Variants in PKHD1L1 observed in about 807,000 individuals in gnomAD.
PKHD1L1 encodes the protein fibrocystin-L.
A neutral mutation model predicts 462.9 loss-of-function variants in PKHD1L1; 434 were observed. The ratio of observed to expected loss-of-function variants is 0.94; its 90% CI spans 0.87 to 1.02. The LOEUF is 1.02. Among genes scored for constraint, PKHD1L1 ranks in the 50% least tolerant of loss-of-function variants. PKHD1L1 has a pLI of 0.00. For missense variants in PKHD1L1, 5,202 were observed against 5,096.1 expected, an observed-to-expected ratio of 1.02 and a Z score of -0.63; for synonymous variants, 1,781 against 1,750.0, an observed-to-expected ratio of 1.02 and a Z score of -0.44.
chr8:109,458,913 G>A (rs1816963688), intron 46 of PKHD1L1, among the ~76,000 whole-genome samples: 1 of 152,096 alleles, frequency 6.6e-6, no homozygotes, highest in South Asian at 2.1e-4. Flanking sequence ...CTCAATAAAT[G>A]TTTGTTGAAT....
Position 109,412,405 on chromosome 8 carries a change from T to A in PKHD1L1, c.2226T>A (p.Pro742=), listed in dbSNP as rs766585959. ...CATATGGAGATATTTTATTGTTTCCTTATAATCAGGTAAGCTCAACAAAAT... is the reference window on the plus strand; with the variant it reads ...CATATGGAGATATTTTATTGTTTCCATATAATCAGGTAAGCTCAACAAAAT... ...RRPYGDILLF[P]YNQLCLAYKG... The change falls in exon 20 of 78, where the codon CCT becomes CCA. Residue 742 remains proline (P), a synonymous_variant. Transcript: ENST00000378402. The A allele has an allele frequency of 6.2e-6, 10 of 1,610,428 alleles. No homozygotes were observed. The highest frequency in any genetic ancestry group is 8.5e-6 in the Non-Finnish European group (10 of 1,178,134).
chr8:109,406,001 C>T (rs1477723835), intron 16 of PKHD1L1, among the ~76,000 whole-genome samples: 1 of 152,046 alleles, frequency 6.6e-6, no homozygotes, highest in Non-Finnish European at 1.5e-5. Flanking sequence ...TACAATAAAT[C>T]CTAAAATACA....
At chr8:109,428,449 G>A (rs1162940179) in intron 25 of PKHD1L1, among the ~76,000 whole-genome samples, 2 of 152,134 alleles carry the variant, frequency 1.3e-5, no homozygotes, top group Admixed American at 6.5e-5. Flanking sequence ...GGGAAGGAGA[G>A]GAAGTGGAGA....
chr8:109,488,044 A>G (rs895993910), intron 59 of PKHD1L1, among the ~76,000 whole-genome samples: 3 of 151,880 alleles, frequency 2.0e-5, no homozygotes, highest in African/African-American at 7.3e-5. Context: ...TACAATGTTA[A>G]TAGCTACTAA....
At chr8:109,524,575 A>G (rs1820720378) in intron 76 of PKHD1L1, among the ~76,000 whole-genome samples, 1 of 152,226 alleles carries the variant, frequency 6.6e-6, no homozygotes, top group African/African-American at 2.4e-5. Flanking sequence ...TCTTCAAACT[A>G]CAATGTTCCA....
chr8:109,459,757 A>G lies in PKHD1L1; in HGVS notation c.7167A>G (p.Thr2389=), dbSNP rs770810263. ...FEARAEVGIL[T]RNILIRGSDN... ...CAAGAGCAGAAGTTGGAATTCTTACAAGAAATATTTTAATAAGAGGATCTG... is the reference window on the plus strand; with the variant it reads ...CAAGAGCAGAAGTTGGAATTCTTACGAGAAATATTTTAATAAGAGGATCTG... Residue 2389 remains threonine (T), a synonymous_variant, in exon 47 of 78, where the codon ACA becomes ACG. Coordinates refer to ENST00000378402, the MANE Select transcript of PKHD1L1 (RefSeq NM_177531.6). 3.7e-6 allele frequency: 6 copies of G among 1,611,712 alleles called. No homozygotes were observed. The highest frequency in any genetic ancestry group is 1.7e-5 in the Admixed American group (1 of 59,772).
At chr8:109,461,640 T>A in intron 47 of PKHD1L1, 132 bp from the exon 48 acceptor site, 1 of 971,110 alleles carries the variant, frequency 1.0e-6, no homozygotes, top group Non-Finnish European at 1.5e-6. Flanking sequence ...ATGATGTGAA[T>A]GCAAATAACT....
rs1554601197 is a variant in PKHD1L1, at chr8:109,530,107, A to G, written c.*17A>G. 1 of 1,337,972 alleles carries G rather than the reference A, an allele frequency of 7.5e-7. No homozygotes were observed. The highest frequency in any genetic ancestry group is 9.7e-7 in the Non-Finnish European group (1 of 1,027,108). The allele number at this position is 1,337,972 out of a possible 1,614,324, so 82.9% of individuals were successfully genotyped here. On this transcript the variant is annotated 3_prime_UTR_variant, in exon 78 of 78. Coordinates refer to ENST00000378402, the MANE Select transcript of PKHD1L1 (RefSeq NM_177531.6). Reference sequence around the variant, plus strand: ...AGCTACTAAAGTGCTGTTCCGAAGAATAGGCTGAAACAAAAATATAAGAAT... The same window carrying G: ...AGCTACTAAAGTGCTGTTCCGAAGAGTAGGCTGAAACAAAAATATAAGAAT...
chr8:109,459,434 A>T (rs1417862595), intron 46 of PKHD1L1, among the ~76,000 whole-genome samples, 161 bp from the exon 47 acceptor site: 1 of 120,146 alleles, frequency 8.3e-6, no homozygotes, highest in Non-Finnish European at 1.9e-5. Flanking sequence ...TAATCAAGCA[A>T]GAATAAAATA....
rs576508764 is a variant in PKHD1L1 at position 109,400,351 on chromosome 8, A to G, written c.1281+7A>G. 110 of 1,611,118 alleles carry G rather than the reference A, an allele frequency of 6.8e-5. No individual in the cohort carries two copies. The South Asian group carries it at 1.1e-3, about 17-fold the overall frequency. On this transcript the variant is annotated splice_region_variant and intron_variant, in intron 13 of 77. Coordinates refer to ENST00000378402, the MANE Select transcript of PKHD1L1 (RefSeq NM_177531.6). ...TGGACTTCCAGAAGATAAGGTAGGG[A>G]AGCCTCAGAATACTATTTGATACTG...
rs1811138645 is a variant in PKHD1L1, at chr8:109,364,645, G to GCT, written c.163+10_163+11dup. On this transcript the variant is annotated intron_variant, in intron 2 of 77. Transcript: ENST00000378402. ...GACTATAAGAGGGGAAGGTATCGTT[G>GCT]CTTTTTTTTTTTTTTTTTTGCCAAG... The GCT allele has an allele frequency of 8.3e-7, 1 of 1,201,106 alleles. No individual in the cohort carries two copies. Among genetic ancestry groups the GCT allele is most frequent in the Middle Eastern group, 2.7e-4 (1 of 3,770 alleles). The allele number at this position is 1,201,106 out of a possible 1,614,324, so 74.4% of individuals were successfully genotyped here. A position where few individuals can be genotyped will look rare whatever the true frequency, so the allele number is the denominator to read the frequency against.
intron 62 of PKHD1L1, among the ~76,000 whole-genome samples, chr8:109,493,330 T>G (rs1407373137): frequency 6.6e-6 from 1 of 151,270 alleles, no homozygotes; most frequent in Non-Finnish European, 1.5e-5. Flanking sequence ...TCTCCTTACC[T>G]TCTTGTAATA....
At chr8:109,493,877 A>T (rs1818956167) in intron 63 of PKHD1L1, 126 bp downstream of exon 63, 1 of 534,854 alleles carries the variant, frequency 1.9e-6, no homozygotes. Context: ...GAAATAACTC[A>T]ACAAGATAAA....
chr8:109,506,640 C>T (rs184527704), intron 68 of PKHD1L1, among the ~76,000 whole-genome samples: 191 of 152,286 alleles, frequency 1.3e-3, no homozygotes, highest in Non-Finnish European at 2.0e-3. Flanking sequence ...GTACATTGCA[C>T]ATATTTGAAT....
intron 50 of PKHD1L1, among the ~76,000 whole-genome samples, chr8:109,472,613 T>TA (rs1244302065): frequency 2.0e-5 from 3 of 152,144 alleles, no homozygotes; most frequent in African/African-American, 7.2e-5. Flanking sequence ...TTGCAAATAG[T>TA]AACTACTCAG....
Position 109,373,987 on chromosome 8 carries a change from G to A in PKHD1L1, c.164-7383G>A, listed in dbSNP as rs1210839865. 4.6e-5 allele frequency among the ~76,000 whole-genome samples: 7 copies of A among 152,268 alleles called. No individual in the cohort carries two copies. In the East Asian group the frequency reaches 5.8e-4, roughly 13 times the overall value. ...AAAAAAATGTATATTCTGTTGATTC[G>A]TGGTGGAGAGTTCTGTAGATGTCTA... On this transcript the variant is annotated intron_variant, in intron 2 of 77. Transcript: ENST00000378402.
intron 59 of PKHD1L1, among the ~76,000 whole-genome samples, chr8:109,487,944 A>AAAGAAG (rs1563600685): frequency 2.7e-5 from 1 of 36,852 alleles, no homozygotes; most frequent in African/African-American, 8.6e-5. Flanking sequence ...AAGGAAGGAA[A>AAAGAAG]GAAGGAAGGA....
chr8:109,379,063 C>A (rs1811979655), intron 2 of PKHD1L1, among the ~76,000 whole-genome samples: 1 of 152,070 alleles, frequency 6.6e-6, no homozygotes, highest in Non-Finnish European at 1.5e-5. Flanking sequence ...ATGCATGAGC[C>A]AACAACATGG....
Position 109,444,935 on chromosome 8 carries a change from C to T in PKHD1L1, c.5066C>T (p.Ala1689Val), listed in dbSNP as rs1816037779. ...GGCTCTGGATTTGCCGTTTCTTCTG[C>T]AGGTGTAAAAGTCCTTATGGGTCAT... ...IKGSGFAVSSAGVKVLMGHFP... is the reference protein window; with the variant it reads ...IKGSGFAVSSVGVKVLMGHFP... Residue 1689 changes from alanine (A) to valine (V), a missense_variant, in exon 38 of 78, where the codon GCA becomes GTA. Coordinates refer to ENST00000378402, the MANE Select transcript of PKHD1L1 (RefSeq NM_177531.6). The T allele has an allele frequency of 2.5e-6, 4 of 1,613,892 alleles. No individual in the cohort carries two copies. The highest frequency in any genetic ancestry group is 3.3e-5 in the Admixed American group (2 of 60,004).
Sources: gnomAD v4.1 joint callset for allele counts (sites outside exome capture counted in the v4.1 genomes callset) on GRCh38, gnomAD v4.1.1 for gene constraint, MANE v1.5 for transcripts, NCBI Gene and HGNC (gene_info 2026-07-23, HGNC 2026-07-21) for gene names.